The following GPHN variants were observed in gnomAD, a reference collection of about 807,000 sequenced individuals.
GPHN encodes gephyrin.
Under a neutral mutation model 95.5 loss-of-function variants are expected in GPHN, and 17 were observed. That is an observed-to-expected ratio of 0.18 (90% CI 0.12 to 0.27). The LOEUF (loss-of-function observed/expected upper bound fraction) is 0.27. Ranked by LOEUF, GPHN falls within the 10% of genes least tolerant of loss-of-function variation. The pLI, the probability that GPHN is intolerant of heterozygous loss-of-function variation, is 1.00. For missense variants in GPHN, 660 were observed against 978.1 expected (o/e 0.67, Z 4.34); for synonymous variants, 320 against 322.5 (o/e 0.99, Z 0.08).
At chr14:66,513,829 A>G (rs969352486) in intron 1 of GPHN, among the ~76,000 whole-genome samples, 3 of 151,924 alleles carry the variant, frequency 2.0e-5, no homozygotes, top group Non-Finnish European at 3.0e-5. Context: ...TATAAACTAA[A>G]TTGTTTTTAA....
chr14:67,381,732 T>A, the GPHN span: 1 of 1,322,278 alleles, frequency 7.6e-7, no homozygotes, highest in Non-Finnish European at 1.1e-6. Flanking sequence ...AATGCTCACC[T>A]AAACCAAATA....
the GPHN span, among the ~76,000 whole-genome samples, chr14:67,442,731 AAGC>A: frequency 6.6e-6 from 1 of 152,182 alleles, no homozygotes; most frequent in East Asian, 1.9e-4. Context: ...CCTTGTAAAC[AAGC>A]AGTCAGAGCT....
At chr14:66,732,976 G>T (rs1171943745) in intron 2 of GPHN, among the ~76,000 whole-genome samples, 1 of 152,146 alleles carries the variant, frequency 6.6e-6, no homozygotes, top group Non-Finnish European at 1.5e-5. Context: ...TGAGATTTGG[G>T]TGAGGCCAGG....
chr14:66,615,790 C>T (rs773203004), intron 1 of GPHN, among the ~76,000 whole-genome samples: 2 of 150,906 alleles, frequency 1.3e-5, no homozygotes, highest in Non-Finnish European at 2.9e-5. Context: ...AAGTCTTTGC[C>T]CATGCCTGTG....
Position 66,851,156 on chromosome 14 carries a change from C to CAA in GPHN, c.294+26599_294+26600dup, listed in dbSNP as rs78595378. Among the ~76,000 whole-genome samples, 17 of 143,950 alleles carry CAA rather than the reference C, an allele frequency of 1.2e-4. No homozygotes were observed. In the South Asian group the frequency reaches 3.3e-3, roughly 28 times the overall value. The allele number at this position is 143,950 out of a possible 152,430, so 94.4% of individuals were successfully genotyped here. ...TATTCCTTACCTTTTATTTAATTTA[C>CAA]AAAAAAAAAACCCACAAATAGTAAG... On this transcript the variant is annotated intron_variant, in intron 4 of 22. Coordinates refer to ENST00000478722, the MANE Select transcript of GPHN (RefSeq NM_020806.5).
At chr14:66,707,140 G>C (rs548355060) in intron 2 of GPHN, among the ~76,000 whole-genome samples, 1 of 151,880 alleles carries the variant, frequency 6.6e-6, no homozygotes, top group Non-Finnish European at 1.5e-5. Flanking sequence ...TCAGAATGGC[G>C]ATTATTAAAA....
chr14:67,447,471 G>C, the GPHN span: 1 of 152,196 alleles, frequency 6.6e-6, no homozygotes, highest in Non-Finnish European at 1.5e-5. Flanking sequence ...TATTTAGCTT[G>C]CATTAATAGC....
the GPHN span, among the ~76,000 whole-genome samples, chr14:67,282,757 C>G: frequency 6.6e-6 from 1 of 152,200 alleles, no homozygotes; most frequent in South Asian, 2.1e-4. Context: ...TGCTTTGTTA[C>G]AAATATTATT....
intron 21 of GPHN, among the ~76,000 whole-genome samples, chr14:67,172,063 A>C (rs1420237928): frequency 6.6e-6 from 1 of 152,162 alleles, no homozygotes; most frequent in African/African-American, 2.4e-5. Flanking sequence ...CAACTACTGC[A>C]CTACACCATG....
chr14:66,759,888 TAGAGA>T, intron 2 of GPHN, among the ~76,000 whole-genome samples: 1 of 152,296 alleles, frequency 6.6e-6, no homozygotes, highest in East Asian at 1.9e-4. Flanking sequence ...AAATTTAAAT[TAGAGA>T]AACTTCTGAA....
chr14:66,546,544 C>T (rs886925185), intron 1 of GPHN, among the ~76,000 whole-genome samples: 10 of 152,144 alleles, frequency 6.6e-5, no homozygotes, highest in East Asian at 1.9e-4. Flanking sequence ...CGAGGCTGGC[C>T]GGATCACTCA....
intron 2 of GPHN, among the ~76,000 whole-genome samples, chr14:66,724,527 G>C (rs1257137425): frequency 1.3e-5 from 2 of 152,170 alleles, no homozygotes; most frequent in Non-Finnish European, 2.9e-5. Context: ...GGGCTGGAGT[G>C]GGAAGGGAAA....
At chr14:67,718,047 A>G in the GPHN span, among the ~76,000 whole-genome samples, 2 of 152,228 alleles carry the variant, frequency 1.3e-5, no homozygotes, top group East Asian at 3.8e-4. Flanking sequence ...TAAAATCAAG[A>G]AAAAGGAACA....
At chr14:67,093,427 G>T (rs1298393909) in intron 12 of GPHN, among the ~76,000 whole-genome samples, 1 of 151,908 alleles carries the variant, frequency 6.6e-6, no homozygotes, top group Non-Finnish European at 1.5e-5. Flanking sequence ...CAGGGCTTTT[G>T]TTGTATCCAT....
chr14:67,023,764 A>G (rs2073784685), intron 10 of GPHN, 89 bp downstream of exon 10: 1 of 1,037,406 alleles, frequency 9.6e-7, no homozygotes, highest in Non-Finnish European at 1.5e-6. Flanking sequence ...AAGAAAAGCA[A>G]TGGGGAATAT....
At chr14:67,362,385 A>T in the GPHN span, among the ~76,000 whole-genome samples, 1 of 152,208 alleles carries the variant, frequency 6.6e-6, no homozygotes, top group African/African-American at 2.4e-5. Context: ...AAAAAAATTA[A>T]CAAATTATTA....
the GPHN span, chr14:67,582,180 G>A: frequency 1.9e-6 from 3 of 1,613,602 alleles, no homozygotes; most frequent in East Asian, 4.5e-5. The surrounding 1 kb of genome is among the most constrained non-coding windows in gnomAD (Gnocchi z 5.0). Context: ...ACAAGGAATT[G>A]GCTCTTGAGA....
At chr14:67,395,511 C>T in the GPHN span, 74 of 1,613,988 alleles carry the variant, frequency 4.6e-5, no homozygotes, top group African/African-American at 8.3e-4. Flanking sequence ...AAGGCCCAGG[C>T]ATCCCGCTCC....
At chr14:67,143,506 G>C in intron 18 of GPHN, 57 bp downstream of exon 18, 1 of 1,062,818 alleles carries the variant, frequency 9.4e-7, no homozygotes, top group African/African-American at 1.6e-5. Flanking sequence ...GCATATGGTC[G>C]ATTAACTGTG....
Sources: allele counts gnomAD v4.1 joint callset (sites outside exome capture counted in the v4.1 genomes callset), GRCh38; gene constraint gnomAD v4.1.1; non-coding constraint Gnocchi (gnomAD v3.1); transcripts MANE v1.5; gene names NCBI Gene and HGNC (gene_info 2026-07-23, HGNC 2026-07-21).